The following HDAC9 variants were observed in gnomAD, a reference collection of about 807,000 sequenced individuals.
HDAC9 encodes MEF-2 interacting transcription repressor (MITR) protein.
HDAC9 carries 41 observed loss-of-function variants against 139.4 expected under a neutral mutation model. That is an observed-to-expected ratio of 0.29 (90% CI 0.23 to 0.38). The LOEUF (loss-of-function observed/expected upper bound fraction) is 0.38, where lower values mean the gene tolerates loss of function less well. Among genes scored for constraint, HDAC9 ranks in the 10% least tolerant of loss-of-function variants. The probability of loss-of-function intolerance (pLI) is 1.00; values close to 1 mark genes in which losing one functional copy is unlikely to be tolerated. For missense variants in HDAC9, 1,147 were observed against 1,297.0 expected (o/e 0.88, Z 1.78); for synonymous variants, 517 against 476.2 (o/e 1.09, Z -1.12).
At chr7:18,265,303 T>C (rs1314222964) in intron 2 of HDAC9, among the ~76,000 whole-genome samples, 1 of 152,300 alleles carries the variant, frequency 6.6e-6, no homozygotes, top group East Asian at 1.9e-4. Flanking sequence ...GCAAAAATCA[T>C]GATATGCACA....
At chr7:18,869,694 A>G (rs901631598) in intron 21 of HDAC9, among the ~76,000 whole-genome samples, 22 of 152,230 alleles carry the variant, frequency 1.4e-4, no homozygotes, top group African/African-American at 4.8e-4. Flanking sequence ...TGGCGTGTGG[A>G]GAAAAGCACC....
chr7:18,398,997 T>A (rs754028476), intron 1 of HDAC9, among the ~76,000 whole-genome samples: 1 of 152,186 alleles, frequency 6.6e-6, no homozygotes, highest in African/African-American at 2.4e-5. Flanking sequence ...ATGATTTGAT[T>A]GTATTAAAAA....
At chr7:18,615,480 A>G (rs1259794323) in intron 6 of HDAC9, among the ~76,000 whole-genome samples, 1 of 152,208 alleles carries the variant, frequency 6.6e-6, no homozygotes, top group African/African-American at 2.4e-5. Context: ...CTTAATTTAT[A>G]TACTTATACC....
intron 1 of HDAC9, among the ~76,000 whole-genome samples, chr7:18,142,675 A>G (rs946764065): frequency 3.3e-5 from 5 of 152,158 alleles, no homozygotes; most frequent in African/African-American, 1.2e-4. Context: ...AGGCCATTCT[A>G]ATGACTTTGC....
At chr7:18,086,997 T>A (rs1360475364) in exon 1 of HDAC9, 1 of 150,580 alleles carries the variant, frequency 6.6e-6, no homozygotes, top group Non-Finnish European at 1.5e-5. Context: ...CTCGCCGCTT[T>A]CGCCGCGGTC....
At chr7:18,516,208 T>C (rs757661770) in intron 2 of HDAC9, among the ~76,000 whole-genome samples, 1 of 152,188 alleles carries the variant, frequency 6.6e-6, no homozygotes, top group Non-Finnish European at 1.5e-5. Flanking sequence ...ATGTGCAGTA[T>C]AGTTAGAGAA....
At chr7:18,918,785 G>A (rs1402321382) in intron 22 of HDAC9, among the ~76,000 whole-genome samples, 1 of 151,982 alleles carries the variant, frequency 6.6e-6, no homozygotes, top group East Asian at 1.9e-4. Context: ...CAAAGAACCT[G>A]CTTTTCCTTG....
chr7:18,964,961 T>G (rs1783754702), intron 24 of HDAC9, among the ~76,000 whole-genome samples: 1 of 152,222 alleles, frequency 6.6e-6, no homozygotes, highest in Non-Finnish European at 1.5e-5. Context: ...TGGTTTCCCA[T>G]GTAGGGAAAT....
chr7:18,896,171 TAG>T (rs1185686011), intron 22 of HDAC9, among the ~76,000 whole-genome samples: 4 of 152,082 alleles, frequency 2.6e-5, no homozygotes, highest in Non-Finnish European at 5.9e-5. Flanking sequence ...TATTTTCCAT[TAG>T]AGTCTTATTT....
intron 1 of HDAC9, among the ~76,000 whole-genome samples, chr7:18,330,679 T>C (rs4721708): frequency 0.61 from 92,689 of 151,298 alleles, 29,397 homozygotes; most frequent in Middle Eastern, 0.71. Flanking sequence ...GTTTGTTACC[T>C]TATAACACAT....
intron 25 of HDAC9, among the ~76,000 whole-genome samples, chr7:18,981,955 A>G (rs1784979970): frequency 6.6e-6 from 1 of 152,176 alleles, no homozygotes; most frequent in African/African-American, 2.4e-5. Context: ...ATGAAAAAAA[A>G]AGCAAAACAA....
chr7:18,586,898 C>G (rs540955169), intron 3 of HDAC9, among the ~76,000 whole-genome samples: 40 of 152,048 alleles, frequency 2.6e-4, no homozygotes, highest in Admixed American at 1.4e-3. Context: ...AATACTGAAG[C>G]TTTATTTAAA....
At chr7:18,723,371 G>C (rs1490648050) in intron 12 of HDAC9, among the ~76,000 whole-genome samples, 1 of 152,082 alleles carries the variant, frequency 6.6e-6, no homozygotes, top group African/African-American at 2.4e-5. Flanking sequence ...TACTAACTAC[G>C]GTTAAGGTGC....
At chr7:18,918,121 C>A (rs1364959121) in intron 22 of HDAC9, among the ~76,000 whole-genome samples, 1 of 151,900 alleles carries the variant, frequency 6.6e-6, no homozygotes, top group Non-Finnish European at 1.5e-5. Flanking sequence ...GCATTTCTGG[C>A]CATTTCTGAT....
At chr7:18,613,916 A>G (rs981953297) in intron 6 of HDAC9, among the ~76,000 whole-genome samples, 4 of 151,710 alleles carry the variant, frequency 2.6e-5, no homozygotes, top group Non-Finnish European at 4.4e-5. Context: ...CATCTGCTTT[A>G]CCTCTCTATT....
At chr7:18,714,089 T>C (rs1054907605) in intron 12 of HDAC9, among the ~76,000 whole-genome samples, 18 of 152,336 alleles carry the variant, frequency 1.2e-4, no homozygotes, top group Middle Eastern at 3.4e-3. Flanking sequence ...CATTTCTTTA[T>C]TTTATAGATG....
chr7:18,768,969 C>G (rs538479625), intron 16 of HDAC9, among the ~76,000 whole-genome samples: 19 of 152,152 alleles, frequency 1.2e-4, no homozygotes, highest in African/African-American at 4.1e-4. Flanking sequence ...AAACTGTAGG[C>G]TAACATAAAT....
intron 10 of HDAC9, 64 bp from the exon 11 acceptor site, chr7:18,648,402 G>C: frequency 8.1e-7 from 1 of 1,230,422 alleles, no homozygotes; most frequent in East Asian, 2.4e-5. Flanking sequence ...AAAATTGTGT[G>C]TGTGTGTATG....
At chr7:18,848,018 C>T (rs944684896) in intron 21 of HDAC9, among the ~76,000 whole-genome samples, 1 of 152,104 alleles carries the variant, frequency 6.6e-6, no homozygotes, top group South Asian at 2.1e-4. Context: ...CAATTTCATC[C>T]ATGATCCTGC....
Sources: allele counts gnomAD v4.1 joint callset (sites outside exome capture counted in the v4.1 genomes callset), GRCh38; gene constraint gnomAD v4.1.1; transcripts MANE v1.5; gene names NCBI Gene and HGNC (gene_info 2026-07-23, HGNC 2026-07-21).